GOLM2: variants seen among roughly 807,000 people sequenced by gnomAD.
GOLM2 encodes the protein golgi membrane protein 2.
GOLM2 carries 26 observed loss-of-function variants against 55.9 expected under a neutral mutation model. That is an observed-to-expected ratio of 0.47 (90% CI 0.34 to 0.65). The LOEUF (loss-of-function observed/expected upper bound fraction) is 0.65, where lower values mean the gene tolerates loss of function less well. Ranked by LOEUF, GOLM2 falls within the 30% of genes least tolerant of loss-of-function variation. The pLI, the probability that GOLM2 is intolerant of heterozygous loss-of-function variation, is 0.01. For missense variants in GOLM2, 486 were observed against 531.8 expected, an observed-to-expected ratio of 0.91 and a Z score of 0.85; for synonymous variants, 165 against 194.6, an observed-to-expected ratio of 0.85 and a Z score of 1.27.
intron 8 of GOLM2, 177 bp from the exon 9 acceptor site, chr15:44,402,710 A>G: frequency 2.1e-6 from 1 of 466,606 alleles, no homozygotes. Context: ...ACATATTTTC[A>G]GAGTCTTCCC....
intron 5 of GOLM2, 53 bp downstream of exon 5, chr15:44,337,960 T>G (rs950683575): frequency 1.4e-5 from 21 of 1,489,904 alleles, no homozygotes; most frequent in Middle Eastern, 1.8e-4. Context: ...TGACTTTTTC[T>G]TCCCATTTTG....
intron 7 of GOLM2, 44 bp from the exon 8 acceptor site, chr15:44,380,762 T>G (rs764484867): frequency 2.6e-5 from 34 of 1,301,064 alleles, no homozygotes; most frequent in Non-Finnish European, 3.3e-5. Flanking sequence ...TTTAAAAGAT[T>G]AAATTAAATT....
chr15:44,328,562 C>A, intron 2 of GOLM2, 123 bp from the exon 3 acceptor site: 1 of 571,898 alleles, frequency 1.7e-6, no homozygotes, highest in Non-Finnish European at 3.1e-6. Context: ...AATTTAATTT[C>A]CTGGGAGTAT....
At chr15:44,409,530 A>C (rs1371206643) in intron 9 of GOLM2, 1 of 138,016 alleles carries the variant, frequency 7.2e-6, no homozygotes, top group African/African-American at 2.7e-5. Context: ...CGGAGGTTGC[A>C]GTGAGCCGAG....
At chr15:44,331,903 T>C (rs1595630335) in intron 3 of GOLM2, 85 bp from the exon 4 acceptor site, 2 of 915,446 alleles carry the variant, frequency 2.2e-6, no homozygotes, top group Non-Finnish European at 1.8e-6. Flanking sequence ...GTGTTTTATC[T>C]TTCTTATGTA....
chr15:44,292,324 G>T lies in GOLM2; in HGVS notation c.327+2968G>T, dbSNP rs150737879. Among the ~76,000 whole-genome samples, 733 of 151,276 alleles carry T rather than the reference G, an allele frequency of 4.8e-3. 3 individuals are homozygous for T. The highest frequency in any genetic ancestry group is 7.6e-3 in the Non-Finnish European group (517 of 67,846). ...GCCATTCTCTGCTTCAGCCTCCTGA[G>T]TAGCTGGGACTACAGGCGCCCACCT... On this transcript the variant is annotated intron_variant, in intron 1 of 9. Transcript: ENST00000299957.
intron 1 of GOLM2, among the ~76,000 whole-genome samples, chr15:44,300,880 T>C (rs1015596042): frequency 4.6e-5 from 7 of 152,200 alleles, no homozygotes; most frequent in African/African-American, 1.7e-4. Context: ...CTTTATCTAA[T>C]TTTCTTACAC....
At chr15:44,318,712 A>G (rs1051294325) in intron 1 of GOLM2, among the ~76,000 whole-genome samples, 1 of 151,852 alleles carries the variant, frequency 6.6e-6, no homozygotes, top group Non-Finnish European at 1.5e-5. Context: ...CTGTCTCAAA[A>G]AAAAAAAAAA....
chr15:44,386,534 A>G (rs1302567540), intron 8 of GOLM2, among the ~76,000 whole-genome samples: 1 of 152,156 alleles, frequency 6.6e-6, no homozygotes, highest in East Asian at 1.9e-4. Context: ...ATTTTATTGT[A>G]GGATCTGCTT....
At position 44,402,757 on chromosome 15, in the gene GOLM2, T is replaced by C. The variant is rs1255633579; in HGVS notation, c.1073-130T>C. ...TTTGTCTTGGATAACCTTCACAAAA[T>C]GTATCCTTTTATATCCAGTACCCCA... On this transcript the variant is annotated intron_variant, in intron 8 of 9. Coordinates refer to ENST00000299957, the MANE Select transcript of GOLM2 (RefSeq NM_138423.4). The C allele has an allele frequency of 5.7e-6, 4 of 699,362 alleles. No homozygotes were observed. The Admixed American group carries it at 8.6e-5, about 15-fold the overall frequency. 43.3% of individuals were successfully genotyped at this position (699,362 alleles called of 1,614,324 possible). A position where few individuals can be genotyped will look rare whatever the true frequency, so the allele number is the denominator to read the frequency against.
chr15:44,366,310 A>AAACAAAAC lies in GOLM2; in HGVS notation c.803-13378_803-13377insCAAAACAA, dbSNP rs796413018. 4.6e-3 allele frequency among the ~76,000 whole-genome samples: 685 copies of AAACAAAAC among 150,530 alleles called. 7 individuals are homozygous for AAACAAAAC. The highest frequency in any genetic ancestry group is 0.012 in the East Asian group (59 of 5,002). On this transcript the variant is annotated intron_variant, in intron 6 of 9. Coordinates refer to ENST00000299957, the MANE Select transcript of GOLM2 (RefSeq NM_138423.4). Reference sequence around the variant, plus strand: ...AGACTCCGTCTCAAAAAAAAAAAAAAAAAACAAAACAAACAAACCACAAAA... The same window carrying AAACAAAAC: ...AGACTCCGTCTCAAAAAAAAAAAAAAAACAAAACAAAACAAAACAAACAAACCACAAAA...
At chr15:44,338,205 G>A (rs1384002278) in intron 5 of GOLM2, 32 bp from the exon 6 acceptor site, 5 of 1,583,362 alleles carry the variant, frequency 3.2e-6, no homozygotes, top group Admixed American at 3.5e-5. Flanking sequence ...TAAGAAAAAC[G>A]ATAGAATTCT....
chr15:44,310,735 T>C (rs991156102), intron 1 of GOLM2, among the ~76,000 whole-genome samples: 9 of 147,422 alleles, frequency 6.1e-5, no homozygotes, highest in Non-Finnish European at 1.3e-4. Context: ...AAAAAATACA[T>C]AGGCCAGGCA....
At chr15:44,405,758 C>T (rs562661349) in intron 9 of GOLM2, among the ~76,000 whole-genome samples, 1 of 151,968 alleles carries the variant, frequency 6.6e-6, no homozygotes, top group African/African-American at 2.4e-5. Context: ...GTAGCTGAGA[C>T]TACAGCCGTG....
intron 8 of GOLM2, among the ~76,000 whole-genome samples, chr15:44,396,252 A>C (rs1360983646): frequency 2.6e-5 from 4 of 152,028 alleles, no homozygotes; most frequent in Middle Eastern, 6.8e-3. Context: ...CAGCTACTGG[A>C]GAGGCTGAGG....
rs1361473440 is a variant in GOLM2, at chr15:44,402,941, T to A, written c.1127T>A (p.Leu376Gln). 3.1e-6 allele frequency: 5 copies of A among 1,614,056 alleles called. No individual in the cohort carries two copies. The South Asian group carries it at 4.4e-5, about 14-fold the overall frequency. Residue 376 changes from leucine (L) to glutamine (Q), a missense_variant, in exon 9 of 10, where the codon CTG becomes CAG. Physicochemically the swap from Leu to Gln is moderately radical, Grantham distance 113. Coordinates refer to ENST00000299957, the MANE Select transcript of GOLM2 (RefSeq NM_138423.4). Reference sequence around the variant, plus strand: ...GTTGATCCGCAGCATGGCTCTAAACTGGCGGATTATAATGGGGATGATGGT... The same window carrying A: ...GTTGATCCGCAGCATGGCTCTAAACAGGCGGATTATAATGGGGATGATGGT... ...SPVDPQHGSKLADYNGDDGNV... is the reference protein window; with the variant it reads ...SPVDPQHGSKQADYNGDDGNV...
Position 44,332,792 on chromosome 15 carries a change from G to C in GOLM2, c.576+714G>C, listed in dbSNP as rs1047210188. 5.9e-5 allele frequency among the ~76,000 whole-genome samples: 9 copies of C among 152,116 alleles called. No individual in the cohort carries two copies. In the East Asian group the frequency reaches 1.5e-3, roughly 26 times the overall value. Reference sequence around the variant, plus strand: ...CCTAAAGCACAGAAATGAGACACTAGCCACTACAACCAATTTGATTCATAC... The same window carrying C: ...CCTAAAGCACAGAAATGAGACACTACCCACTACAACCAATTTGATTCATAC... On this transcript the variant is annotated intron_variant, in intron 4 of 9. Transcript: ENST00000299957.
intron 6 of GOLM2, among the ~76,000 whole-genome samples, chr15:44,372,233 G>A (rs2079333106): frequency 6.6e-6 from 1 of 152,174 alleles, no homozygotes; most frequent in South Asian, 2.1e-4. Flanking sequence ...CCCATGTTCA[G>A]TACGTCTGTG....
intron 6 of GOLM2, 73 bp downstream of exon 6, chr15:44,338,390 G>T: frequency 9.0e-7 from 1 of 1,115,090 alleles, no homozygotes; most frequent in Non-Finnish European, 1.3e-6. Flanking sequence ...TCTCTTTTTC[G>T]GTAACACTTG....
Sources: allele counts gnomAD v4.1 joint callset (sites outside exome capture counted in the v4.1 genomes callset), GRCh38; gene constraint gnomAD v4.1.1; transcripts MANE v1.5; gene names NCBI Gene and HGNC (gene_info 2026-07-23, HGNC 2026-07-21).